Variants in PLA2G6 observed in about 807,000 individuals in gnomAD.
The protein encoded by PLA2G6 is 85/88 kDa calcium-independent phospholipase A2.
A neutral mutation model predicts 83.8 loss-of-function variants in PLA2G6; 62 were observed. The observed-to-expected ratio is 0.74, with a 90% CI of 0.60 to 0.91. PLA2G6 has a LOEUF of 0.91. Among genes scored for constraint, PLA2G6 ranks in the 40% least tolerant of loss-of-function variants. PLA2G6 has a pLI of 0.00. For synonymous variants in PLA2G6, 417 were observed against 449.8 expected, an observed-to-expected ratio of 0.93 and a Z score of 0.92; for missense variants, 944 against 1,102.0, an observed-to-expected ratio of 0.86 and a Z score of 2.03.
At chr22:38,161,194 C>T (rs973452999) in intron 2 of PLA2G6, among the ~76,000 whole-genome samples, 1 of 152,078 alleles carries the variant, frequency 6.6e-6, no homozygotes, top group Non-Finnish European at 1.5e-5. Context: ...GACATTATAA[C>T]AGAAAACTAC....
At chr22:38,133,259 G>C in intron 6 of PLA2G6, 1 of 579,858 alleles carries the variant, frequency 1.7e-6, no homozygotes, top group Non-Finnish European at 3.1e-6. Flanking sequence ...GAGGCTTCTG[G>C]TCCTTTCCTA....
At chr22:38,153,487 G>T (rs1279957871) in intron 2 of PLA2G6, among the ~76,000 whole-genome samples, 1 of 151,804 alleles carries the variant, frequency 6.6e-6, no homozygotes, top group East Asian at 1.9e-4. Context: ...GAAAAAAAAA[G>T]TAGCCAAGCA....
chr22:38,135,226 C>T lies in PLA2G6; in HGVS notation c.798-142G>A, dbSNP rs1448257875. On this transcript the variant is annotated intron_variant, in intron 5 of 16. Coordinates refer to ENST00000332509, the MANE Select transcript of PLA2G6 (RefSeq NM_003560.4). ...TCAGCAAACCCAACCAGCACACTCA[C>T]CATGGTTAAGGCTGTACTGAGCCCC... is the stretch of plus-strand genomic sequence containing the variant. 4.4e-5 allele frequency: 30 copies of T among 681,360 alleles called. No individual in the cohort carries two copies. The East Asian group carries it at 8.1e-4, about 18-fold the overall frequency. 42.2% of individuals were successfully genotyped at this position (681,360 alleles called of 1,614,324 possible).
chr22:38,173,538 A>G lies in PLA2G6; in HGVS notation c.-45-4067T>C, dbSNP rs149570961. ...TGGTGCCCCTGCTGAGGGAAGCCAG[A>G]TATTTCTGGCCGTTTTCCTTATCTC... On this transcript the variant is annotated intron_variant, in intron 1 of 16. Coordinates refer to ENST00000332509, the MANE Select transcript of PLA2G6 (RefSeq NM_003560.4). Among the ~76,000 whole-genome samples, 10 of 152,208 alleles carry G rather than the reference A, an allele frequency of 6.6e-5. No homozygotes were observed. In the East Asian group the frequency reaches 1.5e-3, roughly 24 times the overall value.
At position 38,124,609 on chromosome 22, in the gene PLA2G6, C is replaced by T. The variant is rs550935741; in HGVS notation, c.1428-1351G>A. ...CCTCACAGCCCGCCTGCTGCTCCAC[C>T]TGCTTCCTGGTGGAGGCTGCTTCCA... On this transcript the variant is annotated intron_variant, in intron 10 of 16. Transcript: ENST00000332509. Among the ~76,000 whole-genome samples, 25 of 152,300 alleles carry T rather than the reference C, an allele frequency of 1.6e-4. 1 individual carries two copies. The South Asian group carries it at 4.2e-3, about 25-fold the overall frequency.
intron 12 of PLA2G6, among the ~76,000 whole-genome samples, chr22:38,116,851 C>CAAAA (rs57712042): frequency 0.025 from 950 of 37,638 alleles, 134 homozygotes; most frequent in Admixed American, 0.066. Flanking sequence ...AACTCCGTCT[C>CAAAA]AAAAAAAAAA....
At chr22:38,177,073 C>T in intron 1 of PLA2G6, among the ~76,000 whole-genome samples, 1 of 150,116 alleles carries the variant, frequency 6.7e-6, no homozygotes, top group Non-Finnish European at 1.5e-5. Context: ...AAGGAAGGTG[C>T]AATCATTCTC....
At chr22:38,166,341 G>A (rs1348300871) in intron 2 of PLA2G6, among the ~76,000 whole-genome samples, 1 of 152,180 alleles carries the variant, frequency 6.6e-6, no homozygotes, top group South Asian at 2.1e-4. Flanking sequence ...CTGCTGAAAT[G>A]GAAAGGTTCG....
rs1413789418 is a variant in PLA2G6 at position 38,123,431 on chromosome 22, G to A, written c.1428-173C>T. ...GAGGGTGGGGGTGAGGGCAGTAAAGGAACAAATGTCTAGTATTTCAGGGGC... is the reference window on the plus strand; with the variant it reads ...GAGGGTGGGGGTGAGGGCAGTAAAGAAACAAATGTCTAGTATTTCAGGGGC... On this transcript the variant is annotated intron_variant, in intron 10 of 16. Transcript: ENST00000332509. The surrounding 1 kb of genome is among the most constrained non-coding windows in gnomAD (Gnocchi z 4.1). 6.6e-6 allele frequency among the ~76,000 whole-genome samples: 1 copy of A among 152,180 alleles called. No individual in the cohort carries two copies. Among genetic ancestry groups the A allele is most frequent in the Non-Finnish European group, 1.5e-5 (1 of 68,034 alleles).
chr22:38,139,913 G>T, intron 5 of PLA2G6, 69 bp downstream of exon 5: 2 of 1,290,988 alleles, frequency 1.5e-6, no homozygotes, highest in South Asian at 1.3e-5. Context: ...GCTTGCCTCA[G>T]GCACGGGACA....
chr22:38,119,584 G>A (rs1002459852), intron 12 of PLA2G6, among the ~76,000 whole-genome samples: 4 of 152,140 alleles, frequency 2.6e-5, no homozygotes, highest in East Asian at 1.9e-4. Context: ...TGCCTGTAAT[G>A]GGAAACCAAG....
At chr22:38,168,523 G>A (rs2090309579) in intron 2 of PLA2G6, among the ~76,000 whole-genome samples, 1 of 152,204 alleles carries the variant, frequency 6.6e-6, no homozygotes, top group Admixed American at 6.5e-5. Context: ...GCAAACCCTG[G>A]GCAGCCCCTA....
In PLA2G6 at chr22:38,178,308, C is replaced by A. The variant is rs186111778; in HGVS notation, c.-46+3356G>T. ...CAGACTGGTCAGGCACGGCAGTTCA[C>A]TCCTGTAATCCCAGCACTTTAGGAG... On this transcript the variant is annotated intron_variant, in intron 1 of 16. Coordinates refer to ENST00000332509, the MANE Select transcript of PLA2G6 (RefSeq NM_003560.4). 2.3e-3 allele frequency among the ~76,000 whole-genome samples: 351 copies of A among 152,304 alleles called. 3 individuals carry two copies. Among genetic ancestry groups the A allele is most frequent in the Admixed American group, 6.7e-3 (103 of 15,300 alleles).
Position 38,128,416 on chromosome 22 carries a change from C to T in PLA2G6, c.1201G>A (p.Ala401Thr). 1.2e-6 allele frequency: 2 copies of T among 1,614,054 alleles called. No homozygotes were observed. The highest frequency in any genetic ancestry group is 8.5e-7 in the Non-Finnish European group (1 of 1,179,996). The change falls in exon 9 of 17, where the codon GCG becomes ACG. Residue 401 changes from alanine (A) to threonine (T), a missense_variant. Transcript: ENST00000332509. This position sits in a 1 kb window ranked among gnomAD's most constrained non-coding sequence, Gnocchi z 4.4. ...ACGGTTCTCAGCAGAGTCAAGATCG[C>T]CTTCCTGGTGACAACTTGTCATGGT... ...SKIGRLVTRK[A>T]ILTLLRTVGA...
At chr22:38,120,012 C>T (rs2087432832) in intron 12 of PLA2G6, among the ~76,000 whole-genome samples, 1 of 152,120 alleles carries the variant, frequency 6.6e-6, no homozygotes, top group Non-Finnish European at 1.5e-5. Context: ...TGGCCTTGGA[C>T]CCTAGGGAAG....
At chr22:38,120,195 G>A (rs920389681) in intron 12 of PLA2G6, among the ~76,000 whole-genome samples, 3 of 152,224 alleles carry the variant, frequency 2.0e-5, no homozygotes, top group African/African-American at 7.2e-5. Context: ...ATGTTTCCTG[G>A]AAATGTGACT....
intron 1 of PLA2G6, among the ~76,000 whole-genome samples, chr22:38,177,610 G>A (rs1035568594): frequency 3.3e-5 from 5 of 151,786 alleles, no homozygotes; most frequent in African/African-American, 4.8e-5. Context: ...TTACAGGCGC[G>A]CACCACCACA....
Position 38,140,137 on chromosome 22 carries a change from G to A in PLA2G6, c.642C>T (p.Asn214=). The change falls in exon 5 of 17, where the codon AAC becomes AAT. Residue 214 remains asparagine, a synonymous_variant. Transcript: ENST00000332509. ...LLGRNAVAGL[N]QVNNQGLTPL... The stretch of plus-strand genomic sequence containing the variant: ...GGGTCAGCCCTTGGTTATTCACCTG[G>A]TTCAGGCCAGCCACTGCGTTCCTTC... 1 of 1,614,148 alleles carries A rather than the reference G, an allele frequency of 6.2e-7. No individual in the cohort carries two copies. The highest frequency in any genetic ancestry group is 8.5e-7 in the Non-Finnish European group (1 of 1,180,042).
chr22:38,121,111 C>T, intron 11 of PLA2G6: 1 of 564,518 alleles, frequency 1.8e-6, no homozygotes, highest in Non-Finnish European at 3.2e-6. Context: ...GACATGGTGG[C>T]TCGCGCCTGT....
Sources: allele counts gnomAD v4.1 joint callset (sites outside exome capture counted in the v4.1 genomes callset), GRCh38; gene constraint gnomAD v4.1.1; non-coding constraint Gnocchi (gnomAD v3.1); transcripts MANE v1.5; gene names NCBI Gene and HGNC (gene_info 2026-07-23, HGNC 2026-07-21).